Variants in PIP4K2A observed in about 807,000 individuals in gnomAD.
The protein encoded by PIP4K2A is phosphatidylinositol 5-phosphate 4-kinase type-2 alpha.
Under a neutral mutation model 42.9 loss-of-function variants are expected in PIP4K2A, and 14 were observed. That is an observed-to-expected ratio of 0.33 (90% CI 0.22 to 0.51). The LOEUF is 0.51. Among genes scored for constraint, PIP4K2A ranks in the 20% least tolerant of loss-of-function variants. PIP4K2A has a pLI of 0.97. For synonymous variants in PIP4K2A, 192 were observed against 192.2 expected, an observed-to-expected ratio of 1.00 and a Z score of 0.01; for missense variants, 434 against 519.8, an observed-to-expected ratio of 0.83 and a Z score of 1.61.
intron 7 of PIP4K2A, among the ~76,000 whole-genome samples, chr10:22,549,326 C>CT: frequency 6.6e-6 from 1 of 151,468 alleles, no homozygotes; most frequent in East Asian, 1.9e-4. Context: ...GACACTCATT[C>CT]TGTGGCTTTC....
intron 1 of PIP4K2A, among the ~76,000 whole-genome samples, chr10:22,693,589 G>A (rs542934171): frequency 3.3e-5 from 5 of 152,242 alleles, no homozygotes; most frequent in East Asian, 3.9e-4. Flanking sequence ...GAACAGAGCC[G>A]AGAGATCTGA....
chr10:22,632,678 T>C (rs560468373), intron 1 of PIP4K2A, among the ~76,000 whole-genome samples: 1 of 152,276 alleles, frequency 6.6e-6, no homozygotes, highest in South Asian at 2.1e-4. Context: ...TCAGTGCCCC[T>C]TCATTGTTAT....
intron 1 of PIP4K2A, among the ~76,000 whole-genome samples, chr10:22,710,708 A>G (rs549469813): frequency 3.7e-4 from 56 of 152,108 alleles, no homozygotes; most frequent in Non-Finnish European, 6.5e-4. Context: ...AATACCTGAC[A>G]TTTTTGCCAA....
intron 9 of PIP4K2A, chr10:22,539,639 C>A (rs1453329023): frequency 7.9e-6 from 2 of 252,320 alleles, no homozygotes; most frequent in Non-Finnish European, 1.5e-5. Flanking sequence ...GATGCGCATG[C>A]CTGTTAGTGT....
In PIP4K2A at chr10:22,714,269, T is replaced by C; in HGVS notation, c.58A>G (p.Lys20Glu). Reference protein sequence around the residue: ...SVLASKTKTKKKHFVAQKVKL... With the variant: ...SVLASKTKTKEKHFVAQKVKL... ...ACTTTCTGCGCTACGAAGTGCTTCT[T>C]CTTGGTCTTGGTCTTGCTCGCCAGG... The change falls in exon 1 of 10, where the codon AAG becomes GAG. Residue 20 changes from lysine to glutamate, a missense_variant. Around this residue, in one of 2 missense-constraint regions of PIP4K2A, gnomAD observed 395 missense variants for 444.5 expected, o/e 0.89. Transcript: ENST00000376573. 6.2e-7 allele frequency: 1 copy of C among 1,611,546 alleles called. No individual in the cohort carries two copies. Among genetic ancestry groups the C allele is most frequent in the Non-Finnish European group, 8.5e-7 (1 of 1,178,598 alleles).
intron 1 of PIP4K2A, among the ~76,000 whole-genome samples, chr10:22,678,880 TAGAC>T (rs1027465750): frequency 6.6e-6 from 1 of 152,242 alleles, no homozygotes; most frequent in African/African-American, 2.4e-5. Flanking sequence ...CCTAGAGTAT[TAGAC>T]AGCTATGAAA....
At chr10:22,702,403 C>T (rs1399069142) in intron 1 of PIP4K2A, among the ~76,000 whole-genome samples, 1 of 152,242 alleles carries the variant, frequency 6.6e-6, no homozygotes, top group Non-Finnish European at 1.5e-5. Context: ...AGTAATAACA[C>T]TGCAGCACAC....
Position 22,536,729 on chromosome 10 carries a change from A to AAAAACAAAACAAAACAAAAC in PIP4K2A, c.*471_*472insGTTTTGTTTTGTTTTGTTTT, listed in dbSNP as rs1564408993. ...CTTTCAACTCCAAAAAAAAAAAAAAAAAAAAAAAACTGATCCACAGTTTGT... is the reference window on the plus strand; with the variant it reads ...CTTTCAACTCCAAAAAAAAAAAAAAAAAAACAAAACAAAACAAAACAAAAAAAAACTGATCCACAGTTTGT... On this transcript the variant is annotated 3_prime_UTR_variant, in exon 10 of 10. Coordinates refer to ENST00000376573, the MANE Select transcript of PIP4K2A (RefSeq NM_005028.5). 2 of 149,350 alleles carry AAAAACAAAACAAAACAAAAC rather than the reference A, an allele frequency of 1.3e-5. No homozygotes were observed. Among genetic ancestry groups the AAAAACAAAACAAAACAAAAC allele is most frequent in the Non-Finnish European group, 3.0e-5 (2 of 67,210 alleles). The allele number at this position is 149,350 out of a possible 1,614,324, so 9.3% of individuals were successfully genotyped here.
Position 22,553,727 on chromosome 10 carries a change from A to C in PIP4K2A, c.679-2955T>G, listed in dbSNP as rs139237821. ...CCCCATCACCACCCCCATCGTCATC[A>C]TCATCACTGTGAGCATTTAATAAAG... is the stretch of plus-strand genomic sequence containing the variant. On this transcript the variant is annotated intron_variant, in intron 6 of 9. Coordinates refer to ENST00000376573, the MANE Select transcript of PIP4K2A (RefSeq NM_005028.5). Among the ~76,000 whole-genome samples, 850 of 151,522 alleles carry C rather than the reference A, an allele frequency of 5.6e-3. 11 individuals carry two copies. Among genetic ancestry groups the C allele is most frequent in the African/African-American group, 0.019 (775 of 41,212 alleles).
At chr10:22,664,952 A>T (rs189378393) in intron 1 of PIP4K2A, among the ~76,000 whole-genome samples, 135 of 152,244 alleles carry the variant, frequency 8.9e-4, no homozygotes, top group African/African-American at 3.1e-3. Flanking sequence ...CATTATATAA[A>T]CACAGGATCC....
At chr10:22,713,327 C>CA (rs1169777708) in intron 1 of PIP4K2A, among the ~76,000 whole-genome samples, 1 of 152,222 alleles carries the variant, frequency 6.6e-6, no homozygotes, top group Non-Finnish European at 1.5e-5. Flanking sequence ...CCACACCCCC[C>CA]ACAGCGGGTG....
intron 1 of PIP4K2A, among the ~76,000 whole-genome samples, chr10:22,615,005 T>C (rs1354884496): frequency 1.3e-5 from 2 of 152,370 alleles, no homozygotes; most frequent in East Asian, 1.9e-4. Context: ...TCTCCAGTTT[T>C]AGAAAACTTT....
At chr10:22,680,626 A>G (rs1309595940) in intron 1 of PIP4K2A, among the ~76,000 whole-genome samples, 1 of 152,052 alleles carries the variant, frequency 6.6e-6, no homozygotes, top group Non-Finnish European at 1.5e-5. Flanking sequence ...ACACCCCAAA[A>G]CTTCATGGCT....
At chr10:22,579,957 C>A (rs1049436679) in intron 4 of PIP4K2A, among the ~76,000 whole-genome samples, 3 of 151,702 alleles carry the variant, frequency 2.0e-5, no homozygotes, top group African/African-American at 7.3e-5. Context: ...ACAACCCATT[C>A]TGATGAATGT....
chr10:22,652,922 C>A (rs578224153), intron 1 of PIP4K2A, among the ~76,000 whole-genome samples: 15 of 152,136 alleles, frequency 9.9e-5, no homozygotes, highest in African/African-American at 3.6e-4. Context: ...AATGAGACCC[C>A]CATCTCCACA....
intron 9 of PIP4K2A, among the ~76,000 whole-genome samples, chr10:22,539,201 G>T (rs1836019353): frequency 6.6e-6 from 1 of 152,164 alleles, no homozygotes; most frequent in South Asian, 2.1e-4. Context: ...GGAGGGGGCT[G>T]GGTCCGGGGG....
chr10:22,691,361 G>C (rs555812480), intron 1 of PIP4K2A, among the ~76,000 whole-genome samples: 2 of 152,202 alleles, frequency 1.3e-5, no homozygotes, highest in East Asian at 3.9e-4. Context: ...ATACATGACA[G>C]AGCCCTATGT....
At chr10:22,701,193 G>C (rs889947316) in intron 1 of PIP4K2A, among the ~76,000 whole-genome samples, 1 of 152,186 alleles carries the variant, frequency 6.6e-6, no homozygotes, top group Non-Finnish European at 1.5e-5. Flanking sequence ...AGGGGCAGGG[G>C]TATCCCGCCA....
At position 22,609,478 on chromosome 10, in the gene PIP4K2A, G is replaced by A. The variant is rs561259207; in HGVS notation, c.242+142C>T. ...TGCTGTTGCTTCTCTAAAAATGACA[G>A]ATGGTTATGTTTATCACAGGATTAA... On this transcript the variant is annotated intron_variant, in intron 2 of 9. Coordinates refer to ENST00000376573, the MANE Select transcript of PIP4K2A (RefSeq NM_005028.5). 2.8e-5 allele frequency: 18 copies of A among 639,032 alleles called. No homozygotes were observed. In the Admixed American group the frequency reaches 3.9e-4, roughly 14 times the overall value. The allele number at this position is 639,032 out of a possible 1,614,324, so 39.6% of individuals were successfully genotyped here.
Sources: gnomAD v4.1 joint callset for allele counts (sites outside exome capture counted in the v4.1 genomes callset) on GRCh38, gnomAD v4.1.1 for gene constraint, gnomAD v4.1.1 regional missense constraint, MANE v1.5 for transcripts, NCBI Gene and HGNC (gene_info 2026-07-23, HGNC 2026-07-21) for gene names.